Variants in TTC28 observed in about 807,000 individuals in gnomAD.
TTC28 encodes tetratricopeptide repeat protein 28.
TTC28 carries 61 observed loss-of-function variants against 198.0 expected under a neutral mutation model. That is an observed-to-expected ratio of 0.31 (90% confidence interval 0.25 to 0.38). The LOEUF (loss-of-function observed/expected upper bound fraction) is 0.38. TTC28 is among the 10% of genes least tolerant of loss of function. The pLI is 1.00. For missense variants in TTC28, 2,678 were observed against 3,164.0 expected (o/e 0.85, Z 3.69); for synonymous variants, 1,171 against 1,297.8 (o/e 0.90, Z 2.10).
rs1015725393 is a variant in TTC28 at position 27,981,501 on chromosome 22, A to G, written c.*720T>C. 2 of 152,024 alleles carry G rather than the reference A, an allele frequency of 1.3e-5. No individual in the cohort carries two copies. Among genetic ancestry groups the G allele is most frequent in the African/African-American group, 4.8e-5 (2 of 41,402 alleles). The allele number at this position is 152,024 out of a possible 1,614,324, so 9.4% of individuals were successfully genotyped here. ...TAAATCACAATTGCATAGTTCTAAA[A>G]TGCCTGGATAAGAGTTACATAATTT... On this transcript the variant is annotated 3_prime_UTR_variant, in exon 23 of 23. Transcript: ENST00000397906.
chr22:28,357,746 G>A (rs2145950628), intron 2 of TTC28, among the ~76,000 whole-genome samples: 1 of 152,240 alleles, frequency 6.6e-6, no homozygotes, highest in East Asian at 1.9e-4. Context: ...TGAAAAGTTA[G>A]TTTTCTTCCC....
intron 2 of TTC28, among the ~76,000 whole-genome samples, chr22:28,520,940 C>T (rs1162354360): frequency 6.6e-6 from 1 of 152,120 alleles, no homozygotes; most frequent in Non-Finnish European, 1.5e-5. Context: ...GTAGTCCCAG[C>T]TACTTGGGAG....
intron 2 of TTC28, among the ~76,000 whole-genome samples, chr22:28,478,627 G>A (rs988096614): frequency 6.6e-6 from 1 of 151,192 alleles, no homozygotes; most frequent in Non-Finnish European, 1.5e-5. Flanking sequence ...GTGGGATGGG[G>A]TGGGAAGGTT....
chr22:28,349,348 T>G (rs1003828070), intron 2 of TTC28, among the ~76,000 whole-genome samples: 1 of 152,244 alleles, frequency 6.6e-6, no homozygotes, highest in Non-Finnish European at 1.5e-5. Context: ...TTAAATGTCA[T>G]AAGTTTTGAT....
chr22:28,461,480 A>G (rs2047949872), intron 2 of TTC28, among the ~76,000 whole-genome samples: 1 of 151,486 alleles, frequency 6.6e-6, no homozygotes, highest in South Asian at 2.1e-4. Context: ...TCTGCCGCCC[A>G]GGCTGGAGTA....
At chr22:28,380,803 A>T (rs1601716813) in intron 2 of TTC28, among the ~76,000 whole-genome samples, 1 of 152,290 alleles carries the variant, frequency 6.6e-6, no homozygotes, top group South Asian at 2.1e-4. Flanking sequence ...TAATCCCTAC[A>T]ACAAACCTAA....
At chr22:28,620,485 T>A (rs2050977368) in intron 2 of TTC28, among the ~76,000 whole-genome samples, 1 of 152,224 alleles carries the variant, frequency 6.6e-6, no homozygotes, top group South Asian at 2.1e-4. Context: ...TTGTACCAGA[T>A]CAGCTACAGA....
At chr22:28,099,551 C>T (rs1942079614) in intron 9 of TTC28, among the ~76,000 whole-genome samples, 1 of 152,120 alleles carries the variant, frequency 6.6e-6, no homozygotes, top group Admixed American at 6.5e-5. Context: ...GAACCTGACA[C>T]CAGGTAGGTC....
chr22:28,102,883 A>G (rs554885235), intron 8 of TTC28, among the ~76,000 whole-genome samples: 9 of 152,256 alleles, frequency 5.9e-5, no homozygotes, highest in African/African-American at 2.2e-4. Flanking sequence ...ATAGAAAAAC[A>G]TATGAAAGAA....
At chr22:28,354,002 G>C (rs1329253133) in intron 2 of TTC28, among the ~76,000 whole-genome samples, 1 of 152,118 alleles carries the variant, frequency 6.6e-6, no homozygotes, top group African/African-American at 2.4e-5. Flanking sequence ...ATACCCATTA[G>C]GATGGCTATT....
intron 2 of TTC28, among the ~76,000 whole-genome samples, chr22:28,603,194 T>C (rs1175150177): frequency 6.6e-6 from 1 of 152,058 alleles, no homozygotes; most frequent in Non-Finnish European, 1.5e-5. Context: ...CTTTAGTTCT[T>C]AGAAGCCTTG....
chr22:28,118,454 G>A (rs1382152156), intron 6 of TTC28, among the ~76,000 whole-genome samples: 1 of 151,734 alleles, frequency 6.6e-6, no homozygotes, highest in Non-Finnish European at 1.5e-5. Context: ...CTCAGTCAAT[G>A]ACAGACTGTA....
intron 2 of TTC28, among the ~76,000 whole-genome samples, chr22:28,489,323 A>G (rs1008108723): frequency 1.3e-5 from 2 of 151,486 alleles, no homozygotes; most frequent in Non-Finnish European, 2.9e-5. Context: ...AAACACACAC[A>G]TTACTCTGCC....
At chr22:28,177,980 T>C (rs1011578612) in intron 5 of TTC28, among the ~76,000 whole-genome samples, 2 of 152,170 alleles carry the variant, frequency 1.3e-5, no homozygotes, top group African/African-American at 4.8e-5. Context: ...GAGTGAACCC[T>C]AATGTAAATA....
intron 2 of TTC28, among the ~76,000 whole-genome samples, chr22:28,543,258 A>C (rs1381950308): frequency 2.6e-5 from 4 of 152,156 alleles, no homozygotes; most frequent in Admixed American, 2.0e-4. Context: ...GGATCAATTG[A>C]GCACAGGAGG....
intron 2 of TTC28, among the ~76,000 whole-genome samples, chr22:28,502,540 C>T (rs140352137): frequency 1.5e-4 from 22 of 151,324 alleles, no homozygotes; most frequent in African/African-American, 3.6e-4. Flanking sequence ...CCCAGCTACT[C>T]GGGAGGCTGA....
intron 2 of TTC28, among the ~76,000 whole-genome samples, chr22:28,358,377 T>C (rs1349304862): frequency 1.3e-5 from 2 of 152,206 alleles, no homozygotes; most frequent in Admixed American, 6.5e-5. Context: ...TAGCTCTTTT[T>C]ATCCATCTCG....
At chr22:28,648,834 A>G (rs1174330731) in intron 1 of TTC28, among the ~76,000 whole-genome samples, 4 of 152,056 alleles carry the variant, frequency 2.6e-5, no homozygotes, top group Non-Finnish European at 5.9e-5. Context: ...GCTGGAGCCT[A>G]TGAGGCAGAG....
chr22:28,183,711 C>A (rs1923923172), intron 5 of TTC28, among the ~76,000 whole-genome samples: 2 of 152,010 alleles, frequency 1.3e-5, no homozygotes, highest in Admixed American at 1.3e-4. Context: ...TATTAGACTC[C>A]TGAAATTATA....
Sources: gnomAD v4.1 joint callset for allele counts (sites outside exome capture counted in the v4.1 genomes callset) on GRCh38, gnomAD v4.1.1 for gene constraint, MANE v1.5 for transcripts, NCBI Gene and HGNC (gene_info 2026-07-23, HGNC 2026-07-21) for gene names.